OSGIN1: variants seen among roughly 807,000 people sequenced by gnomAD.
The protein encoded by OSGIN1 is oxidative stress-induced growth inhibitor 1.
In OSGIN1, 19 loss-of-function variants were observed where a neutral mutation model predicts 20.1. The observed-to-expected ratio is 0.95, with a 90% CI of 0.66 to 1.39. The LOEUF (loss-of-function observed/expected upper bound fraction) is 1.39. Ranked by LOEUF, OSGIN1 falls within the 40% of genes most tolerant of loss-of-function variation. The pLI, the probability that OSGIN1 is intolerant of heterozygous loss-of-function variation, is 0.00. For synonymous variants in OSGIN1, 368 were observed against 297.8 expected (o/e 1.24, Z -2.43); for missense variants, 820 against 653.0 (o/e 1.26, Z -2.79).
intron 4 of OSGIN1, 104 bp downstream of exon 4, chr16:83,960,864 C>A: frequency 6.8e-7 from 1 of 1,480,854 alleles, no homozygotes; most frequent in East Asian, 2.3e-5. Context: ...CTCCACCCCG[C>A]AACCCTGCCT....
At chr16:83,961,614 G>T (rs540315508) in intron 5 of OSGIN1, among the ~76,000 whole-genome samples, 49 of 152,158 alleles carry the variant, frequency 3.2e-4, no homozygotes, top group Non-Finnish European at 5.1e-4. Context: ...GAGTGCATCT[G>T]GTCTGTCTTC....
intron 2 of OSGIN1, 138 bp from the exon 3 acceptor site, chr16:83,959,122 G>A (rs1264732067): frequency 1.5e-6 from 1 of 666,680 alleles, no homozygotes. Flanking sequence ...TCTGGCACAG[G>A]CTAAGGGCTT....
chr16:83,954,620 C>T, intron 1 of OSGIN1: 1 of 270,344 alleles, frequency 3.7e-6, no homozygotes, highest in South Asian at 1.3e-4. Flanking sequence ...TCCTGTGTCA[C>T]TCTGAACGGG....
intron 5 of OSGIN1, among the ~76,000 whole-genome samples, chr16:83,961,859 G>T (rs1430936636): frequency 6.6e-6 from 1 of 152,132 alleles, no homozygotes; most frequent in Non-Finnish European, 1.5e-5. Context: ...TCTGGCACAG[G>T]TCCCCCAGTC....
intron 5 of OSGIN1, among the ~76,000 whole-genome samples, chr16:83,963,248 A>C (rs1261182939): frequency 6.6e-6 from 1 of 152,230 alleles, no homozygotes; most frequent in African/African-American, 2.4e-5. Flanking sequence ...TTTCGCTTGT[A>C]AGCACAGCCT....
intron 2 of OSGIN1, among the ~76,000 whole-genome samples, chr16:83,958,890 T>C (rs771310740): frequency 6.6e-6 from 1 of 152,140 alleles, no homozygotes; most frequent in Admixed American, 6.6e-5. Flanking sequence ...TCTGTCTGGG[T>C]TTTAATCCCG....
intron 5 of OSGIN1, 35 bp from the exon 6 acceptor site, chr16:83,965,027 T>A: frequency 1.0e-6 from 1 of 959,996 alleles, no homozygotes; most frequent in Non-Finnish European, 1.6e-6. Context: ...CCCCTAACAG[T>A]GTCTGACTCT....
chr16:83,962,038 A>C (rs1205213305), intron 5 of OSGIN1, among the ~76,000 whole-genome samples: 3 of 150,524 alleles, frequency 2.0e-5, no homozygotes, highest in African/African-American at 7.4e-5. Context: ...TGGGTAAATT[A>C]ACTCACCTAA....
intron 3 of OSGIN1, among the ~76,000 whole-genome samples, chr16:83,959,971 C>A (rs1291460221): frequency 2.6e-5 from 4 of 152,202 alleles, no homozygotes; most frequent in Non-Finnish European, 5.9e-5. Context: ...TTGTCTTCCA[C>A]TGTGCTCCTC....
In OSGIN1 at chr16:83,965,662, G is replaced by C. The variant is rs758151031; in HGVS notation, c.1089G>C (p.Arg363Ser). 1.4e-5 allele frequency: 23 copies of C among 1,613,324 alleles called. No homozygotes were observed. The highest frequency in any genetic ancestry group is 1.7e-6 in the Non-Finnish European group (2 of 1,180,020). Residue 363 changes from arginine to serine, a missense_variant, in exon 6 of 6, where the codon AGG becomes AGC. Physicochemically the swap from Arg to Ser is moderately radical, Grantham distance 110. Coordinates refer to ENST00000393306, the MANE Select transcript of OSGIN1 (RefSeq NM_182981.3). ...SPYEGYRSLP[R>S]HQLLCFKEDC... ...ATGAGGGTTACCGCAGCCTCCCCAG[G>C]CACCAGCTGCTGTGCTTCAAGGAAG...
chr16:83,953,841 A>C (rs2665305), intron 1 of OSGIN1, among the ~76,000 whole-genome samples: 91,273 of 152,076 alleles, frequency 0.6, 28,532 homozygotes, highest in East Asian at 0.78. Context: ...AGCTTCTCTC[A>C]GGAGGCTCAA....
At position 83,957,321 on chromosome 16, in the gene OSGIN1, A is replaced by C. The variant is rs555562656; in HGVS notation, c.-32-319A>C. ...GAATGGCCTCTCGGGAAGACAGATA[A>C]TGAGTTTCGGGGACTGTTACTGCCC... On this transcript the variant is annotated intron_variant, in intron 1 of 5. Transcript: ENST00000393306. 1.3e-3 allele frequency among the ~76,000 whole-genome samples: 197 copies of C among 152,132 alleles called. 1 individual carries two copies. The highest frequency in any genetic ancestry group is 2.3e-3 in the Non-Finnish European group (159 of 67,978).
intron 5 of OSGIN1, among the ~76,000 whole-genome samples, chr16:83,963,917 A>G (rs969787679): frequency 1.3e-5 from 2 of 152,200 alleles, no homozygotes; most frequent in African/African-American, 4.8e-5. Flanking sequence ...AACAACAACA[A>G]CAATAATAGA....
At position 83,960,562 on chromosome 16, in the gene OSGIN1, C is replaced by T. The variant is rs201665235; in HGVS notation, c.205-7C>T. 4 of 1,611,824 alleles carry T rather than the reference C, an allele frequency of 2.5e-6. No individual in the cohort carries two copies. The highest frequency in any genetic ancestry group is 2.2e-5 in the East Asian group (1 of 44,856). ...CAGCAGCCCCTCTGACCTATGCCCC[C>T]CTCCAGGACCTGGACTACCTGTCCG... On this transcript the variant is annotated splice_region_variant and splice_polypyrimidine_tract_variant and intron_variant, in intron 3 of 5. Transcript: ENST00000393306.
At chr16:83,962,181 G>C (rs1031517334) in intron 5 of OSGIN1, among the ~76,000 whole-genome samples, 2 of 152,006 alleles carry the variant, frequency 1.3e-5, no homozygotes, top group African/African-American at 4.8e-5. Flanking sequence ...CTAGAGAAAA[G>C]GTTTGTGAAC....
chr16:83,957,929 T>C (rs927306453), intron 2 of OSGIN1, among the ~76,000 whole-genome samples, 191 bp downstream of exon 2: 3 of 152,082 alleles, frequency 2.0e-5, no homozygotes, highest in African/African-American at 7.2e-5. Context: ...CAGGCTGGAG[T>C]GCAGTAGTGC....
rs2084278114 is a variant in OSGIN1 at position 83,966,177 on chromosome 16, T to C, written c.*170T>C. 1.3e-5 allele frequency: 8 copies of C among 607,008 alleles called. No homozygotes were observed. Among genetic ancestry groups the C allele is most frequent in the African/African-American group, 5.5e-5 (3 of 54,090 alleles). The allele number at this position is 607,008 out of a possible 1,614,324, so 37.6% of individuals were successfully genotyped here. On this transcript the variant is annotated 3_prime_UTR_variant, in exon 6 of 6. Transcript: ENST00000393306. ...CCAGGCTGCCCTGGACTTAGACCAG[T>C]GTCTGAGGTGGTAACAGCGGCCGCA...
At chr16:83,954,203 A>C (rs1425053147) in intron 1 of OSGIN1, 1 of 152,216 alleles carries the variant, frequency 6.6e-6, no homozygotes, top group Non-Finnish European at 1.5e-5. Context: ...GGGTGTCTTC[A>C]AAGGCAAAGG....
rs763247858 is a variant in OSGIN1 at position 83,957,622 on chromosome 16, C to T, written c.-32-18C>T. 3 of 1,298,646 alleles carry T rather than the reference C, an allele frequency of 2.3e-6. No individual in the cohort carries two copies. Among genetic ancestry groups the T allele is most frequent in the East Asian group, 2.5e-5 (1 of 40,360 alleles). 80.4% of individuals were successfully genotyped at this position (1,298,646 alleles called of 1,614,324 possible). ...CCTCACCCGAATGGACTCTTCCTTC[C>T]CCTCTCCCCCACTCCAGGTCCGCTG... is the stretch of plus-strand genomic sequence containing the variant. On this transcript the variant is annotated intron_variant, in intron 1 of 5. Transcript: ENST00000393306.
Sources: allele counts gnomAD v4.1 joint callset (sites outside exome capture counted in the v4.1 genomes callset), GRCh38; gene constraint gnomAD v4.1.1; transcripts MANE v1.5; gene names NCBI Gene and HGNC (gene_info 2026-07-23, HGNC 2026-07-21).